Variants in ENTPD1 observed in about 807,000 individuals in gnomAD.
ENTPD1 encodes the protein ATP diphosphohydrolase.
ENTPD1 carries 33 observed loss-of-function variants against 57.0 expected under a neutral mutation model. That is an observed-to-expected ratio of 0.58 (90% CI 0.44 to 0.77). ENTPD1 has a LOEUF of 0.77. ENTPD1 is among the 30% of genes least tolerant of loss of function. The pLI is 0.00. For missense variants in ENTPD1, 501 were observed against 603.4 expected (o/e 0.83, Z 1.78); for synonymous variants, 202 against 218.8 (o/e 0.92, Z 0.68).
chr10:95,721,164 G>A lies in ENTPD1; in HGVS notation c.37+9171G>A, dbSNP rs1452540851. The stretch of plus-strand genomic sequence containing the variant: ...GTGCCTCCCTTAGTCTCTCCAGAAA[G>A]GCAGTAGGATTTTCTTCCTTTCCCT... On this transcript the variant is annotated intron_variant, in intron 1 of 9. Coordinates refer to the ENTPD1 transcript ENST00000453258. 3.9e-5 allele frequency among the ~76,000 whole-genome samples: 6 copies of A among 152,192 alleles called. No individual in the cohort carries two copies. In the South Asian group the frequency reaches 1.0e-3, roughly 26 times the overall value.
chr10:95,699,996 C>T, the ENTPD1 span, among the ~76,000 whole-genome samples: 2 of 152,036 alleles, frequency 1.3e-5, no homozygotes, highest in Non-Finnish European at 2.9e-5. Context: ...GAAAATACAT[C>T]GAAGGTCTAT....
At chr10:95,714,998 G>A (rs1180462277) in intron 1 of ENTPD1, among the ~76,000 whole-genome samples, 1 of 152,166 alleles carries the variant, frequency 6.6e-6, no homozygotes, top group Admixed American at 6.5e-5. Flanking sequence ...AGTTTTCACT[G>A]GAGAGAGTTA....
intron 2 of ENTPD1, among the ~76,000 whole-genome samples, chr10:95,823,885 A>G (rs1474270233): frequency 6.6e-6 from 1 of 152,236 alleles, no homozygotes; most frequent in Non-Finnish European, 1.5e-5. Flanking sequence ...ATAAAAGCAA[A>G]TCAGAAAACA....
Position 95,869,728 on chromosome 10 carries a change from A to G in ENTPD1, c.*3345A>G. 1.1e-6 allele frequency: 1 copy of G among 923,592 alleles called. No homozygotes were observed. 57.2% of individuals were successfully genotyped at this position (923,592 alleles called of 1,614,324 possible). ...TGTTGTATCAGTCAAGGTCCCTGCAAGAGATGGATGGTATGGTACACTCAA... is the reference window on the plus strand; with the variant it reads ...TGTTGTATCAGTCAAGGTCCCTGCAGGAGATGGATGGTATGGTACACTCAA... On this transcript the variant is annotated 3_prime_UTR_variant, in exon 10 of 10. Coordinates refer to ENST00000371205, the MANE Select transcript of ENTPD1 (RefSeq NM_001776.6).
At chr10:95,728,559 T>A (rs2097986051) in intron 1 of ENTPD1, among the ~76,000 whole-genome samples, 1 of 152,182 alleles carries the variant, frequency 6.6e-6, no homozygotes, top group African/African-American at 2.4e-5. Context: ...AGTGGCACTT[T>A]TTATGGATCC....
chr10:95,811,610 G>A (rs1303247350), intron 1 of ENTPD1, among the ~76,000 whole-genome samples: 4 of 152,020 alleles, frequency 2.6e-5, no homozygotes, highest in African/African-American at 7.3e-5. Context: ...GATTAGTCTC[G>A]AACTCCTGGG....
chr10:95,734,243 A>C (rs983048342), intron 1 of ENTPD1, among the ~76,000 whole-genome samples: 2 of 152,216 alleles, frequency 1.3e-5, no homozygotes, highest in Non-Finnish European at 2.9e-5. Context: ...GGTGTAAGCC[A>C]AGGAGGTAAG....
chr10:95,837,520 G>A (rs896502005), intron 2 of ENTPD1, among the ~76,000 whole-genome samples: 3 of 152,168 alleles, frequency 2.0e-5, no homozygotes, highest in African/African-American at 7.2e-5. Flanking sequence ...CTTCCTTGCT[G>A]TGCCCAAAGC....
intron 1 of ENTPD1, among the ~76,000 whole-genome samples, chr10:95,749,171 A>G (rs1217304695): frequency 2.0e-5 from 3 of 152,216 alleles, no homozygotes; most frequent in East Asian, 1.9e-4. Context: ...TACTTTAAAG[A>G]CACTTTTCCC....
At chr10:95,835,544 G>A (rs1457149996) in intron 2 of ENTPD1, among the ~76,000 whole-genome samples, 7 of 152,128 alleles carry the variant, frequency 4.6e-5, no homozygotes, top group Non-Finnish European at 7.4e-5. Context: ...GAATAAATTT[G>A]CATTCCCACC....
chr10:95,795,854 T>C (rs1259439060), intron 1 of ENTPD1, among the ~76,000 whole-genome samples: 2 of 152,228 alleles, frequency 1.3e-5, no homozygotes, highest in Non-Finnish European at 2.9e-5. Context: ...CAGCTGAGTG[T>C]ATATTTTCTT....
At chr10:95,864,076 A>C (rs2098469876) in intron 8 of ENTPD1, among the ~76,000 whole-genome samples, 1 of 152,214 alleles carries the variant, frequency 6.6e-6, no homozygotes, top group African/African-American at 2.4e-5. Flanking sequence ...GGACTCAAGG[A>C]AACAACCACT....
At chr10:95,785,398 G>C (rs1484210917) in intron 1 of ENTPD1, among the ~76,000 whole-genome samples, 1 of 152,176 alleles carries the variant, frequency 6.6e-6, no homozygotes, top group African/African-American at 2.4e-5. Flanking sequence ...GTTGGTATTA[G>C]TACTTAATTT....
In ENTPD1 at chr10:95,871,355, C is replaced by G; in HGVS notation, c.*4972C>G. On this transcript the variant is annotated 3_prime_UTR_variant, in exon 10 of 10. Coordinates refer to ENST00000371205, the MANE Select transcript of ENTPD1 (RefSeq NM_001776.6). ...TCATTACTTCTAAGACATCATCAGT[C>G]TGCAACTTCTTTCCATAGCCTTAAT... 1 of 985,424 alleles carries G rather than the reference C, an allele frequency of 1.0e-6. No individual in the cohort carries two copies. Among genetic ancestry groups the G allele is most frequent in the Non-Finnish European group, 1.2e-6 (1 of 829,890 alleles). 61.0% of individuals were successfully genotyped at this position (985,424 alleles called of 1,614,324 possible). A position where few individuals can be genotyped will look rare whatever the true frequency, so the allele number is the denominator to read the frequency against.
chr10:95,845,811 A>C, intron 6 of ENTPD1: 2 of 647,772 alleles, frequency 3.1e-6, no homozygotes, highest in Non-Finnish European at 5.4e-6. Flanking sequence ...CGTTATCTCC[A>C]CAGACACAAC....
chr10:95,847,602 C>T lies in ENTPD1; in HGVS notation c.970C>T (p.Gln324Ter). Residue 324 changes from glutamine to a stop codon, truncating the protein, a stop_gained, in exon 7 of 10, where the codon CAA becomes TAA. Coordinates refer to ENST00000371205, the MANE Select transcript of ENTPD1 (RefSeq NM_001776.6). LOFTEE classifies it high-confidence loss of function. ...AATCCAGGGTATTGGAAACTATCAA[C>T]AATGCCATCAAAGCATCCTGGAGCT... ...FEIQGIGNYQ[Q>*]CHQSILELFN... 3 of 1,614,190 alleles carry T rather than the reference C, an allele frequency of 1.9e-6. No individual in the cohort carries two copies. The highest frequency in any genetic ancestry group is 1.1e-5 in the South Asian group (1 of 91,078).
chr10:95,849,063 A>C (rs1201784576), intron 7 of ENTPD1, among the ~76,000 whole-genome samples: 4 of 152,224 alleles, frequency 2.6e-5, no homozygotes, highest in African/African-American at 9.6e-5. Flanking sequence ...GAAATCCCAA[A>C]GAAACATTGA....
At position 95,726,339 on chromosome 10, in the gene ENTPD1, G is replaced by C. The variant is rs561552257; in HGVS notation, c.37+14346G>C. On this transcript the variant is annotated intron_variant, in intron 1 of 9. Transcript: ENST00000453258. ...ATTTTAAAAACTAAAGAGAAGGAAA[G>C]CTTTTTATAATTATTCATATTTTTG... Among the ~76,000 whole-genome samples the C allele has an allele frequency of 3.9e-5, 6 of 152,214 alleles. 1 individual carries two copies. The highest frequency in any genetic ancestry group is 1.2e-4 in the African/African-American group (5 of 41,556).
chr10:95,753,367 G>A (rs1371385756), upstream of ENTPD1: 1 of 152,102 alleles, frequency 6.6e-6, no homozygotes, highest in African/African-American at 2.4e-5. Flanking sequence ...CCTGGACAAC[G>A]TGATTAAATT....
Sources: allele counts gnomAD v4.1 joint callset (sites outside exome capture counted in the v4.1 genomes callset), GRCh38; gene constraint gnomAD v4.1.1; transcripts MANE v1.5; gene names NCBI Gene and HGNC (gene_info 2026-07-23, HGNC 2026-07-21).